Variants in HS6ST3 observed in about 807,000 individuals in gnomAD.
The protein encoded by HS6ST3 is heparan sulfate 6-O-sulfotransferase 3, also known as heparan-sulfate 6-O-sulfotransferase 3.
In HS6ST3, 12 loss-of-function variants were observed where a neutral mutation model predicts 36.7. The ratio of observed to expected loss-of-function variants is 0.33; its 90% CI spans 0.21 to 0.53. The LOEUF is 0.53. Among genes scored for constraint, HS6ST3 ranks in the 20% least tolerant of loss-of-function variants. The pLI is 0.95. For synonymous variants in HS6ST3, 240 were observed against 257.5 expected, an observed-to-expected ratio of 0.93 and a Z score of 0.65; for missense variants, 584 against 640.9, an observed-to-expected ratio of 0.91 and a Z score of 0.96.
Position 96,461,277 on chromosome 13 carries a change from A to C in HS6ST3, c.707+369708A>C, listed in dbSNP as rs551809724. 4.6e-5 allele frequency among the ~76,000 whole-genome samples: 7 copies of C among 152,218 alleles called. No homozygotes were observed. The South Asian group carries it at 1.2e-3, about 27-fold the overall frequency. ...TATAAACAGCTTCATATCCTTCAAA[A>C]ACTGACAGTTCAGCAGAAGTGATTG... On this transcript the variant is annotated intron_variant, in intron 1 of 1. Transcript: ENST00000376705.
At chr13:96,387,954 C>T (rs1379929185) in intron 1 of HS6ST3, among the ~76,000 whole-genome samples, 1 of 152,010 alleles carries the variant, frequency 6.6e-6, no homozygotes, top group East Asian at 1.9e-4. Context: ...AGTCTTAGGG[C>T]CCTAGAGCCT....
At chr13:96,395,140 ACTC>A (rs1169204719) in intron 1 of HS6ST3, among the ~76,000 whole-genome samples, 10 of 152,108 alleles carry the variant, frequency 6.6e-5, no homozygotes, top group African/African-American at 2.2e-4. Context: ...TATTGGAGAG[ACTC>A]TATTCCTTTT....
At chr13:96,597,079 A>T (rs2056404336) in intron 1 of HS6ST3, among the ~76,000 whole-genome samples, 1 of 152,150 alleles carries the variant, frequency 6.6e-6, no homozygotes, top group African/African-American at 2.4e-5. Flanking sequence ...TTAGCAAACT[A>T]ATGCAGGAAC....
chr13:96,591,062 T>A (rs2056380361), intron 1 of HS6ST3, among the ~76,000 whole-genome samples: 2 of 152,020 alleles, frequency 1.3e-5, no homozygotes, highest in Admixed American at 1.3e-4. Flanking sequence ...TCTGTTTTTT[T>A]TTTTTGCCAG....
chr13:96,762,783 G>A (rs534785782), intron 1 of HS6ST3, among the ~76,000 whole-genome samples: 21 of 152,210 alleles, frequency 1.4e-4, no homozygotes, highest in Non-Finnish European at 2.4e-4. Flanking sequence ...AACCACTCAA[G>A]TCACTGACTT....
At chr13:96,732,329 C>A (rs993418809) in intron 1 of HS6ST3, among the ~76,000 whole-genome samples, 2 of 152,078 alleles carry the variant, frequency 1.3e-5, no homozygotes, top group Admixed American at 6.5e-5. Flanking sequence ...AGTCTTCAGC[C>A]ATTTTTGAGT....
intron 1 of HS6ST3, among the ~76,000 whole-genome samples, chr13:96,670,649 T>A (rs1356271750): frequency 6.6e-6 from 1 of 152,118 alleles, no homozygotes; most frequent in Non-Finnish European, 1.5e-5. Context: ...GTTGTATGAG[T>A]ACAGATGAAG....
At chr13:96,561,839 A>T (rs781753522) in intron 1 of HS6ST3, among the ~76,000 whole-genome samples, 1 of 152,200 alleles carries the variant, frequency 6.6e-6, no homozygotes, top group Non-Finnish European at 1.5e-5. Flanking sequence ...ACCATTTCAC[A>T]TCAGTCAGAA....
chr13:96,562,968 CT>C (rs2056267823), intron 1 of HS6ST3, among the ~76,000 whole-genome samples: 1 of 148,968 alleles, frequency 6.7e-6, no homozygotes, highest in African/African-American at 2.5e-5. Context: ...TTTCTGAGGG[CT>C]GGCTAAGAAA....
chr13:96,394,008 G>A (rs988936218), intron 1 of HS6ST3, among the ~76,000 whole-genome samples: 3 of 152,156 alleles, frequency 2.0e-5, no homozygotes, highest in African/African-American at 7.2e-5. Flanking sequence ...TCTTAGTCAC[G>A]TGTCTTATGA....
At chr13:96,589,377 G>A (rs543428513) in intron 1 of HS6ST3, among the ~76,000 whole-genome samples, 43 of 151,954 alleles carry the variant, frequency 2.8e-4, no homozygotes, top group Admixed American at 2.6e-3. Flanking sequence ...TTTCTGTTGT[G>A]TCAGTAATGT....
intron 1 of HS6ST3, among the ~76,000 whole-genome samples, chr13:96,300,084 T>A (rs1474356481): frequency 3.3e-5 from 4 of 120,894 alleles, no homozygotes; most frequent in African/African-American, 1.3e-4. Context: ...TGAGACAGAG[T>A]CTCACTCTGT....
At chr13:96,603,428 T>G (rs1387763320) in intron 1 of HS6ST3, among the ~76,000 whole-genome samples, 3 of 152,258 alleles carry the variant, frequency 2.0e-5, no homozygotes, top group African/African-American at 4.8e-5. Flanking sequence ...TCATTGCCTA[T>G]ATTATACCAT....
chr13:96,612,048 T>C (rs1386942759), intron 1 of HS6ST3, among the ~76,000 whole-genome samples: 1 of 152,036 alleles, frequency 6.6e-6, no homozygotes, highest in Admixed American at 6.5e-5. Flanking sequence ...TTTAGAGTAG[T>C]CTCATATGGG....
At chr13:96,567,243 A>G (rs1285935790) in intron 1 of HS6ST3, among the ~76,000 whole-genome samples, 4 of 152,102 alleles carry the variant, frequency 2.6e-5, no homozygotes, top group African/African-American at 4.8e-5. Context: ...CTAAGTACTG[A>G]GCAAAAATTG....
intron 1 of HS6ST3, among the ~76,000 whole-genome samples, chr13:96,432,573 A>T (rs2055620832): frequency 6.6e-6 from 1 of 152,186 alleles, no homozygotes; most frequent in South Asian, 2.1e-4. Flanking sequence ...TTTTTAATGC[A>T]GTAATATAAT....
At chr13:96,463,653 A>G (rs2055796449) in intron 1 of HS6ST3, among the ~76,000 whole-genome samples, 1 of 152,176 alleles carries the variant, frequency 6.6e-6, no homozygotes, top group Non-Finnish European at 1.5e-5. Flanking sequence ...AGACAATGTA[A>G]ACAGAAAAGA....
chr13:96,581,444 G>T (rs565795322), intron 1 of HS6ST3, among the ~76,000 whole-genome samples: 7 of 151,998 alleles, frequency 4.6e-5, no homozygotes, highest in East Asian at 1.9e-4. Flanking sequence ...GGTTGGTCTC[G>T]ATCTCCTGAC....
chr13:96,192,570 T>C (rs1297284001), intron 1 of HS6ST3, among the ~76,000 whole-genome samples: 1 of 149,010 alleles, frequency 6.7e-6, no homozygotes, highest in Admixed American at 6.8e-5. Flanking sequence ...TTTCACTCTT[T>C]TTTTTATGGC....
Sources: gnomAD v4.1 joint callset for allele counts (sites outside exome capture counted in the v4.1 genomes callset) on GRCh38, gnomAD v4.1.1 for gene constraint, MANE v1.5 for transcripts, NCBI Gene and HGNC (gene_info 2026-07-23, HGNC 2026-07-21) for gene names.